The following WHRN variants were observed in gnomAD, a reference collection of about 807,000 sequenced individuals.
The protein encoded by WHRN is whirlin, also known as CASK-interacting protein CIP98.
WHRN carries 41 observed loss-of-function variants against 68.3 expected under a neutral mutation model. The observed-to-expected ratio is 0.60, with a 90% confidence interval of 0.47 to 0.78. The LOEUF (loss-of-function observed/expected upper bound fraction) is 0.78. WHRN is among the 30% of genes least tolerant of loss of function. The pLI, the probability that WHRN is intolerant of heterozygous loss-of-function variation, is 0.00. For synonymous variants in WHRN, 560 were observed against 561.3 expected (o/e 1.00, Z 0.03); for missense variants, 1,243 against 1,244.7 (o/e 1.00, Z 0.02).
chr9:114,477,575 C>G (rs1215338787), intron 2 of WHRN, among the ~76,000 whole-genome samples: 1 of 152,172 alleles, frequency 6.6e-6, no homozygotes, highest in African/African-American at 2.4e-5. Flanking sequence ...CCACTGGCTA[C>G]AGTCTTGGTG....
chr9:114,469,546 G>C (rs1258050471), intron 2 of WHRN, among the ~76,000 whole-genome samples: 2 of 152,214 alleles, frequency 1.3e-5, no homozygotes, highest in Admixed American at 1.3e-4. Context: ...CAGCTCTGTG[G>C]CTAGTGGCTG....
At chr9:114,432,578 G>A (rs1315039921) in intron 3 of WHRN, among the ~76,000 whole-genome samples, 1 of 152,190 alleles carries the variant, frequency 6.6e-6, no homozygotes, top group Non-Finnish European at 1.5e-5. Context: ...CTTACTTGCT[G>A]TATGACCTTG....
At chr9:114,483,496 G>A (rs2133197952) in intron 1 of WHRN, among the ~76,000 whole-genome samples, 1 of 152,298 alleles carries the variant, frequency 6.6e-6, no homozygotes, top group South Asian at 2.1e-4. Context: ...TAGCCACCCT[G>A]CCAGCCTTTC....
chr9:114,488,177 T>G (rs1323236483), intron 1 of WHRN, among the ~76,000 whole-genome samples: 1 of 152,210 alleles, frequency 6.6e-6, no homozygotes, highest in Non-Finnish European at 1.5e-5. Context: ...GGCCTCAGTG[T>G]TCCCACCTAT....
intron 3 of WHRN, among the ~76,000 whole-genome samples, chr9:114,464,094 C>T (rs893364652): frequency 6.6e-6 from 1 of 152,208 alleles, no homozygotes. Context: ...CAAATGTACA[C>T]ACCTACTATG....
At chr9:114,405,455 G>A (rs1834961367) in intron 9 of WHRN, among the ~76,000 whole-genome samples, 1 of 152,222 alleles carries the variant, frequency 6.6e-6, no homozygotes, top group African/African-American at 2.4e-5. Context: ...TAGGGCTACT[G>A]GGAGGATTAA....
chr9:114,420,252 G>C (rs763228933), intron 7 of WHRN, among the ~76,000 whole-genome samples: 8 of 152,162 alleles, frequency 5.3e-5, no homozygotes, highest in Admixed American at 5.2e-4. Flanking sequence ...GAATAATGGA[G>C]AGAGGGGAGG....
intron 1 of WHRN, among the ~76,000 whole-genome samples, chr9:114,484,638 G>A (rs898091934): frequency 6.6e-6 from 1 of 152,124 alleles, no homozygotes; most frequent in Non-Finnish European, 1.5e-5. Context: ...ACTTGACCCT[G>A]GGGCATTCCA....
At chr9:114,429,968 G>A (rs940372549) in intron 3 of WHRN, among the ~76,000 whole-genome samples, 4 of 152,210 alleles carry the variant, frequency 2.6e-5, no homozygotes, top group African/African-American at 9.6e-5. Context: ...CTGCTGCTCT[G>A]AGCTGGAGCT....
At chr9:114,403,118 G>C in intron 11 of WHRN, 99 bp downstream of exon 11, 5 of 1,580,454 alleles carry the variant, frequency 3.2e-6, no homozygotes, top group Non-Finnish European at 4.3e-6. Flanking sequence ...CTGCCCTTGA[G>C]TGCCGTGTTA....
Position 114,403,041 on chromosome 9 carries a change from C to CT in WHRN, c.2542-106dup, listed in dbSNP as rs1834783530. On this transcript the variant is annotated intron_variant, in intron 11 of 11. Coordinates refer to ENST00000362057, the MANE Select transcript of WHRN (RefSeq NM_015404.4). ...ACACTGCCAAGCAGGCAGCTACAAT[C>CT]TGAGTGTCCACTTCTCGGATTAGGA... 11 of 1,529,480 alleles carry CT rather than the reference C, an allele frequency of 7.2e-6. No individual in the cohort carries two copies. The Admixed American group carries it at 2.1e-4, about 29-fold the overall frequency. The allele number at this position is 1,529,480 out of a possible 1,614,324, so 94.7% of individuals were successfully genotyped here.
chr9:114,424,310 G>A (rs1213861396), intron 6 of WHRN, 24 bp downstream of exon 6: 1 of 1,611,522 alleles, frequency 6.2e-7, no homozygotes, highest in African/African-American at 1.3e-5. Flanking sequence ...GCTGAAGCCA[G>A]TTGGGAGGCA....
chr9:114,487,768 C>G (rs1304817377), intron 1 of WHRN, among the ~76,000 whole-genome samples: 1 of 152,184 alleles, frequency 6.6e-6, no homozygotes, highest in Non-Finnish European at 1.5e-5. Context: ...CTGTATCTAC[C>G]TGCAGGGGGA....
At chr9:114,491,916 T>A in intron 1 of WHRN, among the ~76,000 whole-genome samples, 1 of 151,514 alleles carries the variant, frequency 6.6e-6, no homozygotes, top group Non-Finnish European at 1.5e-5. Context: ...GTGGCCTCTC[T>A]CCTCCTGGGT....
At chr9:114,456,102 ACTGT>A (rs1242055922) in intron 3 of WHRN, among the ~76,000 whole-genome samples, 2 of 151,292 alleles carry the variant, frequency 1.3e-5, no homozygotes, top group South Asian at 2.1e-4. Flanking sequence ...TAAGTCAGAG[ACTGT>A]CTGTATTGAG....
rs1329761041 is a variant in WHRN at position 114,482,683 on chromosome 9, T to TA, written c.619-3913dup. On this transcript the variant is annotated intron_variant, in intron 1 of 11. Transcript: ENST00000362057. ...GTAGCAAAACGTTGACCAAGGAGTT[T>TA]AAAAAAAAAAAGGGAAGGAAAGAAT... Among the ~76,000 whole-genome samples, 447 of 145,968 alleles carry TA rather than the reference T, an allele frequency of 3.1e-3. 4 individuals are homozygous for TA. Among genetic ancestry groups the TA allele is most frequent in the African/African-American group, 9.9e-3 (393 of 39,798 alleles).
At chr9:114,494,566 A>G (rs1209085539) in intron 1 of WHRN, among the ~76,000 whole-genome samples, 5 of 152,184 alleles carry the variant, frequency 3.3e-5, no homozygotes, top group Non-Finnish European at 5.9e-5. Flanking sequence ...AGGGCTTCGG[A>G]GCTCAGGCTC....
rs567661962 is a variant in WHRN, at chr9:114,402,598, C to G, written c.*156G>C. On this transcript the variant is annotated 3_prime_UTR_variant, in exon 12 of 12. Transcript: ENST00000362057. ...TGCCTTGTCCTGCTCTCTTCCTCTC[C>G]CAGTTCTGGTCCAGTGGGCTGGGAT... is the stretch of plus-strand genomic sequence containing the variant. 2.1e-6 allele frequency: 2 copies of G among 937,944 alleles called. No individual in the cohort carries two copies. The highest frequency in any genetic ancestry group is 3.2e-5 in the African/African-American group (2 of 62,210). The allele number at this position is 937,944 out of a possible 1,614,324, so 58.1% of individuals were successfully genotyped here.
At chr9:114,464,254 T>C (rs1041412415) in intron 3 of WHRN, among the ~76,000 whole-genome samples, 2 of 152,232 alleles carry the variant, frequency 1.3e-5, no homozygotes, top group Admixed American at 1.3e-4. Flanking sequence ...TAAATTACCA[T>C]GTCTATAACA....
Sources: allele counts gnomAD v4.1 joint callset (sites outside exome capture counted in the v4.1 genomes callset), GRCh38; gene constraint gnomAD v4.1.1; transcripts MANE v1.5; gene names NCBI Gene and HGNC (gene_info 2026-07-23, HGNC 2026-07-21).